TNFSF8: variants seen among roughly 807,000 people sequenced by gnomAD.
TNFSF8 encodes TNF superfamily member 8, also known as tumor necrosis factor ligand superfamily member 8.
Under a neutral mutation model 22.0 loss-of-function variants are expected in TNFSF8, and 4 were observed. The ratio of observed to expected loss-of-function variants is 0.18; its 90% CI spans 0.09 to 0.42. TNFSF8 has a LOEUF of 0.42. TNFSF8 is among the 10% of genes least tolerant of loss of function. The pLI is 1.00. For synonymous variants in TNFSF8, 106 were observed against 112.5 expected (o/e 0.94, Z 0.37); for missense variants, 233 against 281.8 (o/e 0.83, Z 1.24).
chr9:114,894,546 G>A (rs35622131), intron 4 of TNFSF8, among the ~76,000 whole-genome samples: 2 of 152,138 alleles, frequency 1.3e-5, no homozygotes, highest in African/African-American at 4.8e-5. Context: ...TTACATCTTA[G>A]CTCTTCAGCT....
rs533801920 is a variant in TNFSF8 at position 114,910,531 on chromosome 9, G to A, written c.239-4632C>T. Among the ~76,000 whole-genome samples the A allele has an allele frequency of 9.1e-4, 139 of 152,306 alleles. No individual in the cohort carries two copies. In the Middle Eastern group the frequency reaches 0.027, roughly 30 times the overall value. On this transcript the variant is annotated intron_variant, in intron 2 of 3. Coordinates refer to ENST00000223795, the MANE Select transcript of TNFSF8 (RefSeq NM_001244.4). ...TCAGTATTCCTGTGGAATAGGAAGGGTTAAATGCAGGAAGAAGTGGGTTTG... is the reference window on the plus strand; with the variant it reads ...TCAGTATTCCTGTGGAATAGGAAGGATTAAATGCAGGAAGAAGTGGGTTTG...
intron 2 of TNFSF8, among the ~76,000 whole-genome samples, chr9:114,917,210 A>ATTTTG (rs1827930404): frequency 1.3e-5 from 2 of 151,604 alleles, no homozygotes; most frequent in East Asian, 3.9e-4. Flanking sequence ...GCCTACATTA[A>ATTTTG]CTCACTTCCT....
chr9:114,904,606 C>A (rs1257697678), intron 3 of TNFSF8, among the ~76,000 whole-genome samples: 1 of 152,170 alleles, frequency 6.6e-6, no homozygotes, highest in Non-Finnish European at 1.5e-5. Flanking sequence ...TCCACTGAAT[C>A]ATTATCATAT....
chr9:114,923,989 A>G (rs1247004435), intron 1 of TNFSF8, among the ~76,000 whole-genome samples: 1 of 152,244 alleles, frequency 6.6e-6, no homozygotes, highest in East Asian at 1.9e-4. Flanking sequence ...TATTCTTACT[A>G]AAAATGTTTC....
intron 1 of TNFSF8, among the ~76,000 whole-genome samples, chr9:114,919,232 C>T (rs1158586695): frequency 1.3e-5 from 2 of 151,956 alleles, no homozygotes; most frequent in Admixed American, 6.6e-5. Context: ...TATGTATACA[C>T]ATGTAGTATA....
chr9:114,910,996 T>C (rs1429961589), intron 2 of TNFSF8, among the ~76,000 whole-genome samples: 2 of 152,190 alleles, frequency 1.3e-5, no homozygotes, highest in South Asian at 2.1e-4. Flanking sequence ...GTCATGAAGA[T>C]GCAATGAGAC....
exon 5 of TNFSF8, chr9:114,893,349 C>T (rs1827624624): frequency 6.6e-6 from 1 of 152,228 alleles, no homozygotes; most frequent in Non-Finnish European, 1.5e-5. Flanking sequence ...TGGCTGTGTT[C>T]CAATAAAACT....
In TNFSF8 at chr9:114,902,772, T is replaced by A; in HGVS notation, c.*1159A>T. The A allele has an allele frequency of 1.0e-6, 1 of 985,218 alleles. No individual in the cohort carries two copies. The highest frequency in any genetic ancestry group is 1.2e-6 in the Non-Finnish European group (1 of 829,702). The allele number at this position is 985,218 out of a possible 1,614,324, so 61.0% of individuals were successfully genotyped here. A position where few individuals can be genotyped will look rare whatever the true frequency, so the allele number is the denominator to read the frequency against. On this transcript the variant is annotated 3_prime_UTR_variant, in exon 4 of 4. Transcript: ENST00000223795. ...TGGTCTTCTGAGATGGAAGAGGTTT[T>A]GAAGCAATTCAAACCCAGTCCTTTC...
downstream of TNFSF8, among the ~76,000 whole-genome samples, chr9:114,898,423 A>T (rs79453339): frequency 3.9e-3 from 597 of 152,272 alleles, 4 homozygotes; most frequent in African/African-American, 0.014. Flanking sequence ...CAATCGGGAG[A>T]TGCTATTGCT....
downstream of TNFSF8, among the ~76,000 whole-genome samples, chr9:114,898,613 G>A (rs565882765): frequency 1.3e-5 from 2 of 152,306 alleles, no homozygotes; most frequent in East Asian, 1.9e-4. Flanking sequence ...TGTAGGAATA[G>A]TGTTAAGTTC....
intron 1 of TNFSF8, among the ~76,000 whole-genome samples, chr9:114,925,704 T>A (rs956081544): frequency 2.0e-5 from 3 of 152,086 alleles, no homozygotes; most frequent in Non-Finnish European, 2.9e-5. Context: ...TTATTATTTT[T>A]AAAAAAAGAA....
exon 5 of TNFSF8, chr9:114,894,084 G>A: frequency 6.5e-7 from 1 of 1,535,038 alleles, no homozygotes; most frequent in Non-Finnish European, 8.7e-7. Context: ...AAGGTTCAGG[G>A]TTGTAGAGTT....
rs1564366762 is a variant in TNFSF8 at position 114,901,932 on chromosome 9, T to C, written c.*1999A>G. On this transcript the variant is annotated 3_prime_UTR_variant, in exon 4 of 4. Transcript: ENST00000223795. ...ACTGCTGATTTGTTCTTTCTTTTTTTCTTTTAAATCTTTTCTAGCTTTCCT... is the reference window on the plus strand; with the variant it reads ...ACTGCTGATTTGTTCTTTCTTTTTTCCTTTTAAATCTTTTCTAGCTTTCCT... 1 of 982,204 alleles carries C rather than the reference T, an allele frequency of 1.0e-6. No homozygotes were observed. The highest frequency in any genetic ancestry group is 4.7e-5 in the South Asian group (1 of 21,226). The allele number at this position is 982,204 out of a possible 1,614,324, so 60.8% of individuals were successfully genotyped here. A position where few individuals can be genotyped will look rare whatever the true frequency, so the allele number is the denominator to read the frequency against.
At chr9:114,899,099 A>G (rs917067547), downstream of TNFSF8, among the ~76,000 whole-genome samples, 12 of 152,200 alleles carry the variant, frequency 7.9e-5, no homozygotes, top group African/African-American at 2.7e-4. Flanking sequence ...TCTGCAAACG[A>G]AGCTGCAGAA....
Position 114,901,239 on chromosome 9 carries a change from C to T in TNFSF8, c.*2692G>A, listed in dbSNP as rs1460560589. 2.0e-6 allele frequency: 2 copies of T among 985,266 alleles called. No individual in the cohort carries two copies. The highest frequency in any genetic ancestry group is 2.4e-6 in the Non-Finnish European group (2 of 829,932). The allele number at this position is 985,266 out of a possible 1,614,324, so 61.0% of individuals were successfully genotyped here. On this transcript the variant is annotated 3_prime_UTR_variant, in exon 4 of 4. Coordinates refer to ENST00000223795, the MANE Select transcript of TNFSF8 (RefSeq NM_001244.4). ...ATAACATTCCCAGGGGCTGGTTAAC[C>T]CTCAAGAGTAACAGAATTTAGTTTT... is the stretch of plus-strand genomic sequence containing the variant.
At chr9:114,923,472 C>CATTCTT (rs1828014088) in intron 1 of TNFSF8, among the ~76,000 whole-genome samples, 3 of 144,502 alleles carry the variant, frequency 2.1e-5, no homozygotes, top group South Asian at 2.3e-4. Context: ...GATTACTTTT[C>CATTCTT]TTTCTTTTTC....
intron 1 of TNFSF8, among the ~76,000 whole-genome samples, chr9:114,927,138 T>C (rs1318277021): frequency 6.7e-6 from 1 of 148,624 alleles, no homozygotes; most frequent in Admixed American, 6.7e-5. Context: ...TATAAAATAG[T>C]ATTTATTTTA....
At chr9:114,907,496 C>G (rs1653572251) in intron 2 of TNFSF8, among the ~76,000 whole-genome samples, 1 of 152,168 alleles carries the variant, frequency 6.6e-6, no homozygotes, top group Non-Finnish European at 1.5e-5. Flanking sequence ...GAACATCAAG[C>G]CAGGGAGACA....
chr9:114,912,911 G>A (rs1051747094), intron 2 of TNFSF8, among the ~76,000 whole-genome samples: 10 of 152,190 alleles, frequency 6.6e-5, no homozygotes, highest in East Asian at 1.9e-4. Context: ...TAGCTGCCAC[G>A]CCTTATAAAA....
Sources: allele counts gnomAD v4.1 joint callset (sites outside exome capture counted in the v4.1 genomes callset), GRCh38; gene constraint gnomAD v4.1.1; transcripts MANE v1.5; gene names NCBI Gene and HGNC (gene_info 2026-07-23, HGNC 2026-07-21).